Variants in FHIT observed in about 807,000 individuals in gnomAD.
FHIT encodes fragile histidine triad diadenosine triphosphatase.
Under a neutral mutation model 17.9 loss-of-function variants are expected in FHIT, and 19 were observed. That is an observed-to-expected ratio of 1.06 (90% CI 0.74 to 1.56). The LOEUF is 1.56. Ranked by LOEUF, FHIT falls within the 40% of genes most tolerant of loss-of-function variation. The pLI is 0.00. For missense variants in FHIT, 248 were observed against 189.2 expected (o/e 1.31, Z -1.82); for synonymous variants, 81 against 69.7 (o/e 1.16, Z -0.81).
At chr3:61,250,698 G>A (rs1382290280) in intron 1 of FHIT, among the ~76,000 whole-genome samples, 3 of 151,102 alleles carry the variant, frequency 2.0e-5, no homozygotes, top group Non-Finnish European at 2.9e-5. Flanking sequence ...CCCCTTTGAC[G>A]CTAAAAATAA....
At chr3:61,009,178 G>C (rs2031646735) in intron 3 of FHIT, among the ~76,000 whole-genome samples, 1 of 152,034 alleles carries the variant, frequency 6.6e-6, no homozygotes, top group African/African-American at 2.4e-5. Flanking sequence ...CAATAGACTG[G>C]GTCCCATTGT....
intron 5 of FHIT, among the ~76,000 whole-genome samples, chr3:60,342,160 G>A (rs763637369): frequency 4.6e-5 from 7 of 152,208 alleles, no homozygotes; most frequent in Non-Finnish European, 8.8e-5. Context: ...CCAATAATGT[G>A]AGGGTGGGTC....
chr3:59,991,264 C>G (rs1372280949), intron 7 of FHIT, among the ~76,000 whole-genome samples: 1 of 152,080 alleles, frequency 6.6e-6, no homozygotes, highest in Non-Finnish European at 1.5e-5. Flanking sequence ...TGTAAATTTA[C>G]ACAGTAAACC....
intron 5 of FHIT, among the ~76,000 whole-genome samples, chr3:60,401,413 A>G (rs1239654032): frequency 6.6e-6 from 1 of 152,122 alleles, no homozygotes; most frequent in Admixed American, 6.6e-5. Context: ...AGGTTCGGCC[A>G]GTGAGAATTA....
At chr3:60,914,201 A>T (rs1186069820) in intron 3 of FHIT, among the ~76,000 whole-genome samples, 1 of 152,182 alleles carries the variant, frequency 6.6e-6, no homozygotes, top group African/African-American at 2.4e-5. Flanking sequence ...GCGAGGTCCC[A>T]TTGGGAGCAT....
At chr3:60,945,825 G>A (rs138396488) in intron 3 of FHIT, among the ~76,000 whole-genome samples, 21 of 152,306 alleles carry the variant, frequency 1.4e-4, no homozygotes, top group African/African-American at 5.1e-4. Context: ...TGAGAGAGCT[G>A]GGGATGGCCA....
At chr3:60,526,410 T>C (rs781135143) in intron 5 of FHIT, among the ~76,000 whole-genome samples, 2 of 152,146 alleles carry the variant, frequency 1.3e-5, no homozygotes, top group Non-Finnish European at 2.9e-5. Flanking sequence ...TGGCCCAGCA[T>C]CTACCTGAGC....
intron 4 of FHIT, among the ~76,000 whole-genome samples, chr3:60,621,871 CAAA>C (rs10596787): frequency 0.026 from 3,578 of 137,116 alleles, 42 homozygotes; most frequent in Middle Eastern, 0.066. Flanking sequence ...AGACACTCTC[CAAA>C]AAAAAAAAAA....
chr3:60,736,294 C>T (rs1393178188), intron 4 of FHIT, among the ~76,000 whole-genome samples: 1 of 152,038 alleles, frequency 6.6e-6, no homozygotes, highest in Admixed American at 6.6e-5. Flanking sequence ...AGGTATATAC[C>T]TCTGAGGAAA....
intron 4 of FHIT, among the ~76,000 whole-genome samples, chr3:60,775,604 A>G (rs1553724280): frequency 1.3e-5 from 2 of 152,208 alleles, no homozygotes; most frequent in Non-Finnish European, 2.9e-5. Flanking sequence ...TAACTGAACT[A>G]TGGAAAAGTC....
chr3:60,272,148 G>C (rs1706895952), intron 5 of FHIT, among the ~76,000 whole-genome samples: 1 of 152,184 alleles, frequency 6.6e-6, no homozygotes, highest in South Asian at 2.1e-4. Context: ...CATCCTTCAT[G>C]CTCTGCGGGA....
At chr3:59,848,406 AC>A (rs1701802054) in intron 8 of FHIT, among the ~76,000 whole-genome samples, 1 of 152,146 alleles carries the variant, frequency 6.6e-6, no homozygotes, top group Admixed American at 6.6e-5. Context: ...ATTTTAATAT[AC>A]CTATGTTTAT....
chr3:60,210,746 T>C (rs1053834456), intron 5 of FHIT, among the ~76,000 whole-genome samples: 3 of 152,150 alleles, frequency 2.0e-5, no homozygotes, highest in South Asian at 2.1e-4. Context: ...TTCAACAATA[T>C]AGTATGTTGG....
chr3:60,855,502 G>A (rs116115983), intron 3 of FHIT, among the ~76,000 whole-genome samples: 4 of 152,110 alleles, frequency 2.6e-5, no homozygotes, highest in African/African-American at 9.7e-5. Flanking sequence ...GCCTGAGTAT[G>A]AAAGACACTG....
intron 2 of FHIT, among the ~76,000 whole-genome samples, chr3:61,050,337 G>A (rs1331751787): frequency 6.6e-6 from 1 of 152,044 alleles, no homozygotes; most frequent in Non-Finnish European, 1.5e-5. Context: ...TTGAGAGGAA[G>A]GGGATAAGAG....
intron 1 of FHIT, among the ~76,000 whole-genome samples, chr3:61,215,286 T>C (rs1387943844): frequency 6.6e-6 from 1 of 151,530 alleles, no homozygotes; most frequent in East Asian, 1.9e-4. Flanking sequence ...CAAAATCTCC[T>C]TAAGCTGATA....
chr3:60,400,264 G>A (rs1321994441), intron 5 of FHIT, among the ~76,000 whole-genome samples: 3 of 152,100 alleles, frequency 2.0e-5, no homozygotes, highest in Non-Finnish European at 4.4e-5. Flanking sequence ...AGCACATCAT[G>A]GAGACATGGA....
In FHIT at chr3:60,255,167, T is replaced by A. The variant is rs190056465; in HGVS notation, c.104-241015A>T. Among the ~76,000 whole-genome samples the A allele has an allele frequency of 7.2e-5, 11 of 152,300 alleles. No homozygotes were observed. In the East Asian group the frequency reaches 1.9e-3, roughly 27 times the overall value. On this transcript the variant is annotated intron_variant, in intron 5 of 9. Transcript: ENST00000492590. ...ATGAGAATTCTCCTCCTACCTAACT[T>A]TTCTATAAAGTTAATGCATTTAATA...
chr3:59,806,668 A>G (rs1291417377), intron 8 of FHIT, among the ~76,000 whole-genome samples: 1 of 7,922 alleles, frequency 1.3e-4, no homozygotes, highest in East Asian at 9.3e-4. Context: ...GTATACATAT[A>G]TATGTGTATA....
Sources: allele counts gnomAD v4.1 joint callset (sites outside exome capture counted in the v4.1 genomes callset), GRCh38; gene constraint gnomAD v4.1.1; transcripts MANE v1.5; gene names NCBI Gene and HGNC (gene_info 2026-07-23, HGNC 2026-07-21).